Variants in CCBE1 observed in about 807,000 individuals in gnomAD.
CCBE1 encodes the protein collagen and calcium binding EGF domains 1, also known as collagen and calcium-binding EGF domain-containing protein 1.
In CCBE1, 37 loss-of-function variants were observed where a neutral mutation model predicts 50.0. That is an observed-to-expected ratio of 0.74 (90% CI 0.57 to 0.97). The LOEUF (loss-of-function observed/expected upper bound fraction) is 0.97, where lower values mean the gene tolerates loss of function less well. Among genes scored for constraint, CCBE1 ranks in the 50% least tolerant of loss-of-function variants. The probability of loss-of-function intolerance (pLI) is 0.00; values close to 1 mark genes in which losing one functional copy is unlikely to be tolerated. For synonymous variants in CCBE1, 234 were observed against 203.7 expected (o/e 1.15, Z -1.27); for missense variants, 538 against 523.8 (o/e 1.03, Z -0.26).
intron 2 of CCBE1, among the ~76,000 whole-genome samples, chr18:59,607,404 T>G (rs994929692): frequency 2.6e-5 from 4 of 152,196 alleles, no homozygotes; most frequent in African/African-American, 9.7e-5. Flanking sequence ...CTATTTACCA[T>G]TATTGTTCCA....
At chr18:59,518,065 G>C (rs536853435) in intron 2 of CCBE1, among the ~76,000 whole-genome samples, 1,509 of 134,940 alleles carry the variant, frequency 0.011, 14 homozygotes, top group African/African-American at 0.043. Flanking sequence ...AGTGTCCTGA[G>C]AAAGAAGGAG....
At chr18:59,483,192 T>C (rs1302313965) in intron 2 of CCBE1, among the ~76,000 whole-genome samples, 1 of 152,304 alleles carries the variant, frequency 6.6e-6, no homozygotes, top group East Asian at 1.9e-4. Flanking sequence ...GTAGGTTACA[T>C]AAGGTCTTCT....
chr18:59,673,023 A>G (rs1240326243), intron 2 of CCBE1, among the ~76,000 whole-genome samples: 1 of 152,162 alleles, frequency 6.6e-6, no homozygotes, highest in Non-Finnish European at 1.5e-5. Flanking sequence ...AAAATTTAAG[A>G]CTAAGAAATA....
intron 2 of CCBE1, among the ~76,000 whole-genome samples, chr18:59,543,601 C>G (rs939556648): frequency 6.6e-6 from 1 of 152,026 alleles, no homozygotes; most frequent in Non-Finnish European, 1.5e-5. Flanking sequence ...TTTGAGAGGC[C>G]GAGGCGGGCA....
At chr18:59,548,163 T>C (rs1025943227) in intron 2 of CCBE1, among the ~76,000 whole-genome samples, 2 of 152,154 alleles carry the variant, frequency 1.3e-5, no homozygotes, top group African/African-American at 4.8e-5. Context: ...ACAACTGAGG[T>C]CCGAGATCAT....
At position 59,634,219 on chromosome 18, in the gene CCBE1, A is replaced by T. The variant is rs930117643; in HGVS notation, c.212+62410T>A. 5.3e-5 allele frequency among the ~76,000 whole-genome samples: 8 copies of T among 152,260 alleles called. No homozygotes were observed. The East Asian group carries it at 1.3e-3, about 26-fold the overall frequency. Reference sequence around the variant, plus strand: ...TGAAACAATGGCTTTAAAAAACCGCAAACACAAAACAAAACAAAAAAGCTC... The same window carrying T: ...TGAAACAATGGCTTTAAAAAACCGCTAACACAAAACAAAACAAAAAAGCTC... On this transcript the variant is annotated intron_variant, in intron 2 of 10. Coordinates refer to ENST00000439986, the MANE Select transcript of CCBE1 (RefSeq NM_133459.4).
At position 59,547,081 on chromosome 18, in the gene CCBE1, A is replaced by AAGGGAAAGAG. The variant is rs1555690937; in HGVS notation, c.213-66844_213-66843insCTCTTTCCCT. On this transcript the variant is annotated intron_variant, in intron 2 of 10. Coordinates refer to ENST00000439986, the MANE Select transcript of CCBE1 (RefSeq NM_133459.4). Reference sequence around the variant, plus strand: ...AGAGAGGGGGAGAGAGGGGGAGAGAAAGGGAGAGAGAGGGAGGTAGGGAGA... The same window carrying AAGGGAAAGAG: ...AGAGAGGGGGAGAGAGGGGGAGAGAAAGGGAAAGAGAGGGAGAGAGAGGGAGGTAGGGAGA... 7.4e-4 allele frequency among the ~76,000 whole-genome samples: 21 copies of AAGGGAAAGAG among 28,406 alleles called. 2 individuals are homozygous for AAGGGAAAGAG. The highest frequency in any genetic ancestry group is 4.1e-3 in the African/African-American group (16 of 3,930). The allele number at this position is 28,406 out of a possible 152,430, so 18.6% of individuals were successfully genotyped here. A position where few individuals can be genotyped will look rare whatever the true frequency, so the allele number is the denominator to read the frequency against.
intron 2 of CCBE1, among the ~76,000 whole-genome samples, chr18:59,559,022 T>C (rs2052693620): frequency 6.6e-6 from 1 of 151,526 alleles, no homozygotes; most frequent in African/African-American, 2.4e-5. Context: ...ATCTGACAAT[T>C]GGTGATGAGG....
intron 2 of CCBE1, among the ~76,000 whole-genome samples, chr18:59,687,506 A>G (rs1394532713): frequency 6.6e-6 from 1 of 152,158 alleles, no homozygotes; most frequent in African/African-American, 2.4e-5. Flanking sequence ...TTGCCAAAAT[A>G]CCATTATCAG....
rs1216082087 is a variant in CCBE1, at chr18:59,692,989, CACACACACACACACAA to C, written c.212+3624_212+3639del. On this transcript the variant is annotated intron_variant, in intron 2 of 10. Coordinates refer to ENST00000439986, the MANE Select transcript of CCBE1 (RefSeq NM_133459.4). The stretch of plus-strand genomic sequence containing the variant: ...ACACACACACACACACACACACACA[CACACACACACACACAA>C]ACAAAAAACGCAAAGCCAAACCTAT... Among the ~76,000 whole-genome samples the C allele has an allele frequency of 3.2e-5, 4 of 125,872 alleles. No homozygotes were observed. The East Asian group carries it at 6.6e-4, about 21-fold the overall frequency. 82.6% of individuals were successfully genotyped at this position (125,872 alleles called of 152,430 possible). A position where few individuals can be genotyped will look rare whatever the true frequency, so the allele number is the denominator to read the frequency against.
intron 2 of CCBE1, among the ~76,000 whole-genome samples, chr18:59,495,930 C>T (rs1318086533): frequency 6.6e-6 from 1 of 152,116 alleles, no homozygotes; most frequent in Non-Finnish European, 1.5e-5. Context: ...ACCAGGACTT[C>T]CAAGGCCCAA....
At chr18:59,617,793 A>G (rs1225088092) in intron 2 of CCBE1, among the ~76,000 whole-genome samples, 1 of 152,162 alleles carries the variant, frequency 6.6e-6, no homozygotes, top group Non-Finnish European at 1.5e-5. Context: ...CTAAAGCCAG[A>G]CCTGAGCCAT....
chr18:59,539,556 ATG>A (rs980610762), intron 2 of CCBE1, among the ~76,000 whole-genome samples: 3 of 79,782 alleles, frequency 3.8e-5, no homozygotes, highest in Non-Finnish European at 8.1e-5. Flanking sequence ...GGCAAGAAAC[ATG>A]TGTTATTTTA....
chr18:59,431,339 A>G lies in CCBE1; in HGVS notation c.*4569T>C, dbSNP rs544894423. 2 of 152,162 alleles carry G rather than the reference A, an allele frequency of 1.3e-5. No individual in the cohort carries two copies. The highest frequency in any genetic ancestry group is 4.8e-5 in the African/African-American group (2 of 41,424). 9.4% of individuals were successfully genotyped at this position (152,162 alleles called of 1,614,324 possible). On this transcript the variant is annotated 3_prime_UTR_variant, in exon 11 of 11. Transcript: ENST00000439986. ...GACTATGCCAGGAAAAAATTCATCT[A>G]TTTCCCTGAACTCATTATTAATAAC...
intron 2 of CCBE1, among the ~76,000 whole-genome samples, chr18:59,577,641 G>C (rs188636881): frequency 6.6e-6 from 1 of 152,304 alleles, no homozygotes; most frequent in East Asian, 1.9e-4. Context: ...ACCGATGCCT[G>C]TACATAGGCA....
At chr18:59,571,882 A>T (rs981133585) in intron 2 of CCBE1, among the ~76,000 whole-genome samples, 60 of 152,364 alleles carry the variant, frequency 3.9e-4, no homozygotes, top group African/African-American at 1.4e-3. Flanking sequence ...GGAGGGGCTC[A>T]TCAATCTGGA....
intron 2 of CCBE1, among the ~76,000 whole-genome samples, chr18:59,658,899 A>C (rs9953862): frequency 0.039 from 5,894 of 149,304 alleles, 180 homozygotes; most frequent in African/African-American, 0.08. Context: ...AAAAAAAAAA[A>C]AAAAAAACTG....
chr18:59,630,406 A>C (rs963420567), intron 2 of CCBE1, among the ~76,000 whole-genome samples: 1 of 152,216 alleles, frequency 6.6e-6, no homozygotes, highest in Admixed American at 6.5e-5. Context: ...AAGCACTGGC[A>C]ATTTGCTCTA....
chr18:59,555,030 A>G (rs541721233), intron 2 of CCBE1, among the ~76,000 whole-genome samples: 3 of 152,344 alleles, frequency 2.0e-5, no homozygotes, highest in Admixed American at 6.5e-5. Flanking sequence ...GATTTCTCTC[A>G]TTCTAACATT....
Sources: gnomAD v4.1 joint callset for allele counts (sites outside exome capture counted in the v4.1 genomes callset) on GRCh38, gnomAD v4.1.1 for gene constraint, MANE v1.5 for transcripts, NCBI Gene and HGNC (gene_info 2026-07-23, HGNC 2026-07-21) for gene names.